MREG: variants seen among roughly 807,000 people sequenced by gnomAD.
MREG encodes the protein melanoregulin.
In MREG, 31 loss-of-function variants were observed where a neutral mutation model predicts 28.5. The ratio of observed to expected loss-of-function variants is 1.09; its 90% confidence interval spans 0.82 to 1.47. The LOEUF is 1.47. Ranked by LOEUF, MREG falls within the 40% of genes most tolerant of loss-of-function variation. The probability of loss-of-function intolerance (pLI) is 0.00; values close to 1 mark genes in which losing one functional copy is unlikely to be tolerated. For synonymous variants in MREG, 106 were observed against 95.2 expected (o/e 1.11, Z -0.66); for missense variants, 256 against 257.4 (o/e 0.99, Z 0.04).
chr2:215,972,223 T>G (rs1331350274), intron 2 of MREG, among the ~76,000 whole-genome samples: 1 of 152,104 alleles, frequency 6.6e-6, no homozygotes, highest in Non-Finnish European at 1.5e-5. Flanking sequence ...GACCAAAAAC[T>G]TCAGCAGCAT....
intron 1 of MREG, among the ~76,000 whole-genome samples, chr2:216,024,818 A>G (rs2372685): frequency 0.72 from 108,188 of 150,102 alleles, 39,168 homozygotes; most frequent in African/African-American, 0.77. Flanking sequence ...GGGAGGCAGA[A>G]GTTGCAGTAA....
chr2:215,994,985 T>C (rs1386077261), intron 2 of MREG, among the ~76,000 whole-genome samples: 1 of 152,180 alleles, frequency 6.6e-6, no homozygotes, highest in Non-Finnish European at 1.5e-5. Flanking sequence ...AAGAAATGAC[T>C]CTGTTCTCAC....
intron 2 of MREG, among the ~76,000 whole-genome samples, chr2:215,949,793 A>G (rs1041812893): frequency 2.6e-4 from 40 of 152,336 alleles, no homozygotes; most frequent in Middle Eastern, 6.8e-3. Flanking sequence ...AAGTCCTTTC[A>G]TGAAAAAATA....
intron 2 of MREG, among the ~76,000 whole-genome samples, chr2:215,956,127 C>A (rs376137062): frequency 1.2e-4 from 18 of 152,190 alleles, no homozygotes; most frequent in Admixed American, 2.0e-4. Flanking sequence ...ATACATCCTA[C>A]TTTTAGGTCG....
chr2:215,952,253 T>C (rs1405842917), intron 2 of MREG, among the ~76,000 whole-genome samples: 1 of 152,190 alleles, frequency 6.6e-6, no homozygotes, highest in Non-Finnish European at 1.5e-5. Context: ...TACATCCCCA[T>C]AGTGTATATA....
At chr2:215,941,683 C>T (rs980663289), downstream of MREG, 1 of 152,200 alleles carries the variant, frequency 6.6e-6, no homozygotes, top group Non-Finnish European at 1.5e-5. Flanking sequence ...AAGATTATAA[C>T]CTTTTATTAA....
At chr2:216,023,088 T>G (rs1474912910) in intron 1 of MREG, among the ~76,000 whole-genome samples, 2 of 152,162 alleles carry the variant, frequency 1.3e-5, no homozygotes, top group Non-Finnish European at 2.9e-5. Context: ...AAGAGATACA[T>G]CGACAGGCCA....
At chr2:216,016,148 G>A (rs775247034), upstream of MREG, among the ~76,000 whole-genome samples, 4 of 152,146 alleles carry the variant, frequency 2.6e-5, no homozygotes, top group Non-Finnish European at 5.9e-5. Flanking sequence ...TTAACAGGAT[G>A]TGACAGAGAA....
chr2:215,987,059 A>C (rs925614948), intron 2 of MREG, among the ~76,000 whole-genome samples: 3 of 152,248 alleles, frequency 2.0e-5, no homozygotes, highest in Non-Finnish European at 2.9e-5. Flanking sequence ...TGGTTGAATA[A>C]GTGATGGTGA....
In MREG at chr2:215,943,694, A is replaced by G; in HGVS notation, c.*1169T>C. 2 of 344,980 alleles carry G rather than the reference A, an allele frequency of 5.8e-6. No individual in the cohort carries two copies. Among genetic ancestry groups the G allele is most frequent in the Non-Finnish European group, 1.1e-5 (2 of 174,030 alleles). 21.4% of individuals were successfully genotyped at this position (344,980 alleles called of 1,614,324 possible). A position where few individuals can be genotyped will look rare whatever the true frequency, so the allele number is the denominator to read the frequency against. On this transcript the variant is annotated 3_prime_UTR_variant, in exon 5 of 5. Coordinates refer to ENST00000263268, the MANE Select transcript of MREG (RefSeq NM_018000.3). ...GTCTCTACTAAAAATACAAAAAATT[A>G]GCCAGGTGTGGTGGCACGCGCCTGT... is the stretch of plus-strand genomic sequence containing the variant.
intron 2 of MREG, among the ~76,000 whole-genome samples, chr2:215,986,073 T>C (rs1693562133): frequency 6.6e-6 from 1 of 152,216 alleles, no homozygotes; most frequent in Non-Finnish European, 1.5e-5. Context: ...TTCAATTATC[T>C]TGGACAAAAC....
chr2:216,004,396 T>C (rs1414924009), intron 1 of MREG, among the ~76,000 whole-genome samples: 2 of 152,112 alleles, frequency 1.3e-5, no homozygotes, highest in Admixed American at 1.3e-4. Context: ...AGGACAGGGA[T>C]CTGTATCTAC....
chr2:215,997,138 G>C (rs1206254292), intron 1 of MREG, among the ~76,000 whole-genome samples: 2 of 152,164 alleles, frequency 1.3e-5, no homozygotes, highest in Non-Finnish European at 2.9e-5. Flanking sequence ...AGGGATGAAT[G>C]TTTGACTGGC....
At chr2:215,998,588 C>T (rs532558615) in intron 1 of MREG, among the ~76,000 whole-genome samples, 16 of 152,294 alleles carry the variant, frequency 1.1e-4, no homozygotes, top group African/African-American at 2.6e-4. Flanking sequence ...AGCTCAGGCA[C>T]ACTATGCTCA....
chr2:215,981,139 C>T (rs888852587), intron 2 of MREG, among the ~76,000 whole-genome samples: 1 of 152,144 alleles, frequency 6.6e-6, no homozygotes, highest in Admixed American at 6.5e-5. Flanking sequence ...TATGATCCAA[C>T]AATTCCACTT....
downstream of MREG, among the ~76,000 whole-genome samples, chr2:215,940,125 C>T (rs1157426394): frequency 6.6e-6 from 1 of 152,182 alleles, no homozygotes; most frequent in Non-Finnish European, 1.5e-5. Flanking sequence ...ACTTAGTTCT[C>T]CACAACCCAG....
chr2:215,957,023 C>T (rs1231730741), intron 2 of MREG, among the ~76,000 whole-genome samples: 1 of 152,110 alleles, frequency 6.6e-6, no homozygotes, highest in Non-Finnish European at 1.5e-5. Context: ...GGATTTGAAA[C>T]CCAGACAGTC....
At chr2:215,969,428 C>T (rs1207681875) in intron 2 of MREG, among the ~76,000 whole-genome samples, 2 of 152,180 alleles carry the variant, frequency 1.3e-5, no homozygotes, top group Non-Finnish European at 2.9e-5. Flanking sequence ...ACCCCCTTTA[C>T]AAGCTAACAA....
rs184163717 is a variant in MREG at position 216,026,509 on chromosome 2, C to T, written c.-68+6280G>A. Among the ~76,000 whole-genome samples, 1,348 of 152,096 alleles carry T rather than the reference C, an allele frequency of 8.9e-3. 9 individuals are homozygous for T. The highest frequency in any genetic ancestry group is 0.015 in the Non-Finnish European group (1,033 of 68,010). On this transcript the variant is annotated intron_variant, in intron 1 of 3. Coordinates refer to the MREG transcript ENST00000420348. ...CTGAGTAGCTGTGACTACAGGCATG[C>T]GCCACCATGCCCAGCTAATTTTTTT...
Sources: allele counts gnomAD v4.1 joint callset (sites outside exome capture counted in the v4.1 genomes callset), GRCh38; gene constraint gnomAD v4.1.1; transcripts MANE v1.5; gene names NCBI Gene and HGNC (gene_info 2026-07-23, HGNC 2026-07-21).